The following DAB1 variants were observed in gnomAD, a reference collection of about 807,000 sequenced individuals.
DAB1 encodes the protein DAB adaptor protein 1, also known as disabled homolog 1.
A neutral mutation model predicts 64.6 loss-of-function variants in DAB1; 15 were observed. The observed-to-expected ratio is 0.23, with a 90% CI of 0.16 to 0.36. The LOEUF (loss-of-function observed/expected upper bound fraction) is 0.36. Among genes scored for constraint, DAB1 ranks in the 10% least tolerant of loss-of-function variants. The pLI is 1.00. For synonymous variants in DAB1, 235 were observed against 251.9 expected, an observed-to-expected ratio of 0.93 and a Z score of 0.64; for missense variants, 596 against 706.7, an observed-to-expected ratio of 0.84 and a Z score of 1.78.
chr1:58,129,877 C>A (rs574020202), intron 5 of DAB1, among the ~76,000 whole-genome samples: 1 of 148,178 alleles, frequency 6.7e-6, no homozygotes, highest in Admixed American at 6.7e-5. Context: ...TTACTTCCAA[C>A]TATGTGGTCA....
chr1:58,541,262 C>T lies in DAB1; in HGVS notation n.32+5441G>A, dbSNP rs1227100115. 4.5e-5 allele frequency among the ~76,000 whole-genome samples: 5 copies of T among 112,254 alleles called. No homozygotes were observed. In the East Asian group the frequency reaches 1.2e-3, roughly 26 times the overall value. 73.6% of individuals were successfully genotyped at this position (112,254 alleles called of 152,430 possible). A position where few individuals can be genotyped will look rare whatever the true frequency, so the allele number is the denominator to read the frequency against. On this transcript the variant is annotated intron_variant and non_coding_transcript_variant, in intron 1 of 20. Coordinates refer to the DAB1 transcript ENST00000485760. ...TGAGCCGAGATGACGCCACTGCATT[C>T]CAGCCTGGGCAACAGAGTGAGACTC...
chr1:57,568,085 C>T (rs1284549232), intron 7 of DAB1, among the ~76,000 whole-genome samples: 3 of 152,064 alleles, frequency 2.0e-5, no homozygotes, highest in South Asian at 4.1e-4. Context: ...GAGATATAGA[C>T]CAATGGAACA....
At chr1:58,108,214 C>G (rs373491292) in intron 5 of DAB1, among the ~76,000 whole-genome samples, 2 of 152,100 alleles carry the variant, frequency 1.3e-5, no homozygotes, top group African/African-American at 4.8e-5. Context: ...TGAGAATGAG[C>G]CCAAACAGAG....
At chr1:57,716,203 C>T (rs971474367) in intron 6 of DAB1, among the ~76,000 whole-genome samples, 1 of 152,106 alleles carries the variant, frequency 6.6e-6, no homozygotes, top group African/African-American at 2.4e-5. Flanking sequence ...CCACCGCGCC[C>T]AGCCCATGAC....
chr1:57,669,293 A>G (rs966108091), intron 6 of DAB1, among the ~76,000 whole-genome samples: 1 of 152,162 alleles, frequency 6.6e-6, no homozygotes, highest in African/African-American at 2.4e-5. Flanking sequence ...TCCAAAAAAC[A>G]CACACTTCAT....
At chr1:58,221,215 G>A (rs552335627) in intron 4 of DAB1, among the ~76,000 whole-genome samples, 1 of 152,156 alleles carries the variant, frequency 6.6e-6, no homozygotes, top group African/African-American at 2.4e-5. Flanking sequence ...ATATGAATCA[G>A]AATTTATTGT....
chr1:58,016,641 G>A (rs1570231007), intron 5 of DAB1, among the ~76,000 whole-genome samples: 1 of 151,904 alleles, frequency 6.6e-6, no homozygotes, highest in African/African-American at 2.4e-5. Context: ...CCATCACCTT[G>A]AGCTGCTCAA....
chr1:57,314,674 T>C (rs1675036947), intron 1 of DAB1, among the ~76,000 whole-genome samples: 1 of 151,626 alleles, frequency 6.6e-6, no homozygotes, highest in Non-Finnish European at 1.5e-5. Context: ...TCCCAACTAC[T>C]TGGGAAGTTG....
chr1:58,092,912 TCAAA>T (rs1164061432), intron 5 of DAB1, among the ~76,000 whole-genome samples: 4 of 152,316 alleles, frequency 2.6e-5, no homozygotes, highest in Admixed American at 2.0e-4. Context: ...TTTCTTCTAA[TCAAA>T]CAATCACTCT....
intron 3 of DAB1, among the ~76,000 whole-genome samples, chr1:58,375,628 T>A (rs2100541070): frequency 6.9e-6 from 1 of 144,848 alleles, no homozygotes. Context: ...TCAAGGATAT[T>A]GGTCTAAAAT....
chr1:58,076,765 C>T (rs1195807046), intron 5 of DAB1, among the ~76,000 whole-genome samples: 1 of 152,198 alleles, frequency 6.6e-6, no homozygotes, highest in African/African-American at 2.4e-5. Flanking sequence ...TCGCTGCCCT[C>T]AAAAGGCAGT....
intron 7 of DAB1, among the ~76,000 whole-genome samples, chr1:57,495,002 C>A (rs1644212769): frequency 6.6e-6 from 1 of 152,146 alleles, no homozygotes; most frequent in Non-Finnish European, 1.5e-5. Flanking sequence ...GAGCCATTCT[C>A]AACAGCCTGG....
intron 4 of DAB1, among the ~76,000 whole-genome samples, chr1:57,114,736 G>T (rs1028508186): frequency 6.6e-6 from 1 of 152,124 alleles, no homozygotes; most frequent in African/African-American, 2.4e-5. Context: ...ATTCACTGAG[G>T]TCCTCCATAT....
intron 6 of DAB1, among the ~76,000 whole-genome samples, chr1:57,678,765 TTTG>T (rs1646599911): frequency 6.7e-6 from 1 of 149,000 alleles, no homozygotes; most frequent in African/African-American, 2.5e-5. Flanking sequence ...GCAACTGTTT[TTTG>T]TTTTTTTTTT....
At chr1:58,256,893 G>A (rs1660945045) in intron 4 of DAB1, among the ~76,000 whole-genome samples, 1 of 152,136 alleles carries the variant, frequency 6.6e-6, no homozygotes, top group Admixed American at 6.5e-5. Context: ...TAAAAATTAT[G>A]GTCAGGCAAT....
intron 1 of DAB1, among the ~76,000 whole-genome samples, chr1:58,534,686 G>C (rs1390373753): frequency 6.6e-6 from 1 of 152,226 alleles, no homozygotes; most frequent in African/African-American, 2.4e-5. Context: ...TGTAATCCCA[G>C]AACTAGGGGA....
intron 3 of DAB1, chr1:58,480,859 T>G (rs1645467468): frequency 1.5e-6 from 1 of 671,760 alleles, no homozygotes; most frequent in Non-Finnish European, 2.5e-6. Flanking sequence ...GATTTGACCC[T>G]GAATATCCTT....
At chr1:57,793,699 T>C (rs1202105093) in intron 6 of DAB1, among the ~76,000 whole-genome samples, 1 of 152,228 alleles carries the variant, frequency 6.6e-6, no homozygotes, top group Non-Finnish European at 1.5e-5. Flanking sequence ...TGGGCAAGTT[T>C]CGCTATGCCT....
At chr1:58,095,851 A>G (rs561161547) in intron 5 of DAB1, among the ~76,000 whole-genome samples, 1 of 152,300 alleles carries the variant, frequency 6.6e-6, no homozygotes, top group South Asian at 2.1e-4. Flanking sequence ...AAGATTCCTG[A>G]CACCATGTAA....
Sources: gnomAD v4.1 joint callset for allele counts (sites outside exome capture counted in the v4.1 genomes callset) on GRCh38, gnomAD v4.1.1 for gene constraint, MANE v1.5 for transcripts, NCBI Gene and HGNC (gene_info 2026-07-23, HGNC 2026-07-21) for gene names.